Variants in ZNF717 observed in about 807,000 individuals in gnomAD.
ZNF717 encodes the protein zinc finger protein 717.
ZNF717 carries 9 observed loss-of-function variants against 13.8 expected under a neutral mutation model. That is an observed-to-expected ratio of 0.65 (90% confidence interval 0.39 to 1.14). ZNF717 has a LOEUF of 1.14. Ranked by LOEUF, ZNF717 falls within the 50% of genes most tolerant of loss-of-function variation. ZNF717 has a pLI of 0.01. For synonymous variants in ZNF717, 327 were observed against 364.1 expected, an observed-to-expected ratio of 0.90 and a Z score of 1.16; for missense variants, 1,040 against 1,080.7, an observed-to-expected ratio of 0.96 and a Z score of 0.53.
rs187770144 is a variant in ZNF717, at chr3:75,763,218, A to G, written c.57+20088T>C. Among the ~76,000 whole-genome samples, 3 of 152,352 alleles carry G rather than the reference A, an allele frequency of 2.0e-5. No homozygotes were observed. The East Asian group carries it at 5.8e-4, about 29-fold the overall frequency. On this transcript the variant is annotated intron_variant, in intron 2 of 4. Coordinates refer to ENST00000652011, the MANE Select transcript of ZNF717 (RefSeq NM_001290208.3). The stretch of plus-strand genomic sequence containing the variant: ...TAAAAGTTTCTATACCTCAAAGGTC[A>G]CAACCAACAGGGTAAAAGGAAACTG...
intron 5 of ZNF717, among the ~76,000 whole-genome samples, chr3:75,714,951 C>A (rs1361309887): frequency 3.3e-5 from 5 of 152,190 alleles, no homozygotes; most frequent in Non-Finnish European, 2.9e-5. Context: ...CATATACACA[C>A]ACAAATAACA....
intron 2 of ZNF717, among the ~76,000 whole-genome samples, chr3:75,774,916 G>T (rs1049675427): frequency 1.2e-4 from 18 of 151,424 alleles, no homozygotes; most frequent in South Asian, 2.1e-4. Flanking sequence ...ACTGCACCTG[G>T]CCAGGATTTC....
chr3:75,783,682 A>G (rs1169071504), intron 1 of ZNF717, among the ~76,000 whole-genome samples: 1 of 152,264 alleles, frequency 6.6e-6, no homozygotes, highest in Admixed American at 6.5e-5. Flanking sequence ...AAGAAACATT[A>G]TAAGTTCACT....
At position 75,738,923 on chromosome 3, in the gene ZNF717, G is replaced by C. The variant is rs1311327112; in HGVS notation, c.700C>G (p.Gln234Glu). Residue 234 changes from glutamine (Q) to glutamate (E), a missense_variant, in exon 5 of 5, where the codon CAG (glutamine) becomes GAG (glutamate). Gln to Glu is a conservative substitution (Grantham distance 29). This residue lies in a region of ZNF717 where 873 missense variants were observed against 832.8 expected (regional missense o/e 1.05). Transcript: ENST00000652011. Reference sequence around the variant, plus strand: ...TATTCATTATATTTACCAAAGGTCTGTACTATATGAACCCTCTTATGTATA... The same window carrying C: ...TATTCATTATATTTACCAAAGGTCTCTACTATATGAACCCTCTTATGTATA... Reference protein sequence around the residue: ...FFIHKRVHIVQTFGKYNEYEK... With the variant: ...FFIHKRVHIVETFGKYNEYEK... The C allele has an allele frequency of 6.4e-7, 1 of 1,551,520 alleles. No homozygotes were observed. Among genetic ancestry groups the C allele is most frequent in the African/African-American group, 1.4e-5 (1 of 73,174 alleles).
chr3:75,715,132 G>A (rs1401218376), intron 5 of ZNF717, among the ~76,000 whole-genome samples: 9 of 152,296 alleles, frequency 5.9e-5, no homozygotes, highest in South Asian at 4.1e-4. Flanking sequence ...CACAGTTTGG[G>A]TAAAGCAGTT....
chr3:75,771,540 AG>A (rs1323967033), intron 2 of ZNF717, among the ~76,000 whole-genome samples: 6 of 152,214 alleles, frequency 3.9e-5, no homozygotes, highest in Non-Finnish European at 2.9e-5. Context: ...CAGGGTTGCT[AG>A]GGCTTCTAAT....
chr3:75,713,970 A>G (rs1937997485), intron 5 of ZNF717, among the ~76,000 whole-genome samples: 1 of 152,136 alleles, frequency 6.6e-6, no homozygotes, highest in Admixed American at 6.5e-5. Context: ...GTGGGGAGAG[A>G]GAGAGACAGA....
At chr3:75,769,851 A>G (rs1242961517) in intron 2 of ZNF717, among the ~76,000 whole-genome samples, 5 of 152,232 alleles carry the variant, frequency 3.3e-5, no homozygotes, top group Non-Finnish European at 5.9e-5. Context: ...TAACCTTTAA[A>G]GAATCTGAAA....
chr3:75,745,754 T>C (rs1300779292), intron 2 of ZNF717, among the ~76,000 whole-genome samples: 1 of 152,058 alleles, frequency 6.6e-6, no homozygotes, highest in Admixed American at 6.6e-5. Flanking sequence ...ACTTAACATG[T>C]TGTCCTCCAG....
chr3:75,777,972 G>A (rs2107706549), intron 2 of ZNF717, among the ~76,000 whole-genome samples: 1 of 148,044 alleles, frequency 6.8e-6, no homozygotes, highest in East Asian at 2.1e-4. Context: ...GCTAAAACCG[G>A]AAACCAAAAA....
intron 2 of ZNF717, among the ~76,000 whole-genome samples, chr3:75,780,303 G>A (rs1363762744): frequency 6.6e-6 from 1 of 152,252 alleles, no homozygotes; most frequent in Non-Finnish European, 1.5e-5. Context: ...CAATGGGAGT[G>A]ATGTGCTAAA....
intron 4 of ZNF717, among the ~76,000 whole-genome samples, chr3:75,724,019 A>C (rs1238834993): frequency 1.6e-4 from 25 of 152,032 alleles, no homozygotes; most frequent in Admixed American, 1.1e-3. Flanking sequence ...AGAATTAGTG[A>C]AAGTACTAAA....
chr3:75,700,746 A>C, intron 6 of ZNF717, among the ~76,000 whole-genome samples: 1 of 152,288 alleles, frequency 6.6e-6, no homozygotes, highest in Non-Finnish European at 1.5e-5. Context: ...AGGCAGAAGA[A>C]TAAAACGAGA....
chr3:75,727,490 C>G (rs1288955033), downstream of ZNF717, among the ~76,000 whole-genome samples: 2 of 152,026 alleles, frequency 1.3e-5, no homozygotes, highest in African/African-American at 4.8e-5. Context: ...TAATTAATAT[C>G]CTGGGAAAGG....
At position 75,739,110 on chromosome 3, in the gene ZNF717, A is replaced by G; in HGVS notation, c.513T>C (p.Pro171=). 6.4e-7 allele frequency: 1 copy of G among 1,551,232 alleles called. No homozygotes were observed. The change falls in exon 5 of 5, where the codon CCT becomes CCC. Residue 171 remains proline (P), a synonymous_variant. Coordinates refer to ENST00000652011, the MANE Select transcript of ZNF717 (RefSeq NM_001290208.3). The part of the protein sequence containing the change: ...DCQNMLFPIK[P]GETQSGEKPH... ...GTTTCTCTCCAGACTGTGTCTCCCC[A>G]GGCTTAATAGGGAAAAGCATGTTCT...
At chr3:75,727,952 C>G (rs1413436689), downstream of ZNF717, among the ~76,000 whole-genome samples, 2 of 152,224 alleles carry the variant, frequency 1.3e-5, no homozygotes, top group Non-Finnish European at 2.9e-5. Flanking sequence ...ATTTCTCAGA[C>G]CAGCCAACAC....
chr3:75,707,747 AC>A (rs1377987993), downstream of ZNF717, among the ~76,000 whole-genome samples: 1 of 152,140 alleles, frequency 6.6e-6, no homozygotes, highest in East Asian at 1.9e-4. Context: ...GGTCACTCCC[AC>A]CCTAATACTG....
downstream of ZNF717, among the ~76,000 whole-genome samples, chr3:75,729,362 T>C (rs1260650099): frequency 6.6e-6 from 1 of 152,244 alleles, no homozygotes; most frequent in Non-Finnish European, 1.5e-5. Context: ...ACATCTGTAA[T>C]CCCAGCACTC....
chr3:75,696,953 TA>T (rs1188866775), intron 6 of ZNF717, among the ~76,000 whole-genome samples: 10 of 152,052 alleles, frequency 6.6e-5, no homozygotes, highest in Admixed American at 6.6e-4. Context: ...TCAATTATAC[TA>T]AAAAAATTTG....
Sources: gnomAD v4.1 joint callset for allele counts (sites outside exome capture counted in the v4.1 genomes callset) on GRCh38, gnomAD v4.1.1 for gene constraint, gnomAD v4.1.1 regional missense constraint, MANE v1.5 for transcripts, NCBI Gene and HGNC (gene_info 2026-07-23, HGNC 2026-07-21) for gene names.